ZBTB17: variants seen among roughly 807,000 people sequenced by gnomAD.
ZBTB17 encodes zinc finger and BTB domain containing 17, also known as zinc finger and BTB domain-containing protein 17.
In ZBTB17, 24 loss-of-function variants were observed where a neutral mutation model predicts 85.1. The observed-to-expected ratio is 0.28, with a 90% CI of 0.20 to 0.40. The LOEUF is 0.40. ZBTB17 is among the 10% of genes least tolerant of loss of function. The pLI is 1.00. For synonymous variants in ZBTB17, 464 were observed against 460.2 expected (o/e 1.01, Z -0.11); for missense variants, 743 against 1,105.1 (o/e 0.67, Z 4.65).
intron 2 of ZBTB17, among the ~76,000 whole-genome samples, chr1:15,971,492 T>A (rs12748204): frequency 4.7e-4 from 8 of 17,010 alleles, no homozygotes; most frequent in Non-Finnish European, 8.1e-4. Flanking sequence ...ATACACACAC[T>A]ATATATATAT....
At chr1:15,945,903 C>G (rs908164657) in intron 5 of ZBTB17, 63 bp from the exon 6 acceptor site, 9 of 1,566,010 alleles carry the variant, frequency 5.7e-6, no homozygotes, top group Admixed American at 5.1e-5. Flanking sequence ...GATACCTCTC[C>G]TGGACCAGCG....
chr1:15,964,118 T>TGG lies in ZBTB17; in HGVS notation c.-3+8920_-3+8921insCC, dbSNP rs1384583676. 8.1e-6 allele frequency among the ~76,000 whole-genome samples: 1 copy of TGG among 124,012 alleles called. No homozygotes were observed. The highest frequency in any genetic ancestry group is 1.8e-5 in the Non-Finnish European group (1 of 55,882). 81.4% of individuals were successfully genotyped at this position (124,012 alleles called of 152,430 possible). A position where few individuals can be genotyped will look rare whatever the true frequency, so the allele number is the denominator to read the frequency against. ...CTGGACAACAGCGAGACCCTGTCTCTAGAGAGAAAAAAAAAAAAAGGTTTA... is the reference window on the plus strand; with the variant it reads ...CTGGACAACAGCGAGACCCTGTCTCTGGAGAGAGAAAAAAAAAAAAAGGTTTA... On this transcript the variant is annotated intron_variant, in intron 2 of 15. Coordinates refer to ENST00000375743, the MANE Select transcript of ZBTB17 (RefSeq NM_003443.3). This position sits in a 1 kb window ranked among gnomAD's most constrained non-coding sequence, Gnocchi z 4.3.
intron 9 of ZBTB17, 72 bp downstream of exon 9, chr1:15,944,228 C>A: frequency 6.5e-7 from 1 of 1,537,204 alleles, no homozygotes; most frequent in Non-Finnish European, 8.8e-7. Flanking sequence ...CCGCCCGCCC[C>A]ACCACGTGGC....
At chr1:15,949,436 T>C (rs1438989043) in intron 2 of ZBTB17, among the ~76,000 whole-genome samples, 2 of 152,180 alleles carry the variant, frequency 1.3e-5, no homozygotes, top group African/African-American at 4.8e-5. Flanking sequence ...CATTTCAGAA[T>C]GTTTGAAGAG....
At position 15,945,182 on chromosome 1, in the gene ZBTB17, G is replaced by T. The variant is rs761831344; in HGVS notation, c.682C>A (p.Arg228=). ...SEQEMEVEPA[R]KGEEEQKEQE... ...TCCTTTTGCTCCTCTTCCCCTTTCC[G>T]GGCGGGCTCCACCTCCATTTCTGCG... The change falls in exon 7 of 16, where the codon CGG becomes AGG. Residue 228 remains arginine (R), a synonymous_variant. Coordinates refer to ENST00000375743, the MANE Select transcript of ZBTB17 (RefSeq NM_003443.3). 1 of 1,556,716 alleles carries T rather than the reference G, an allele frequency of 6.4e-7. No individual in the cohort carries two copies. Among genetic ancestry groups the T allele is most frequent in the South Asian group, 1.2e-5 (1 of 84,440 alleles).
chr1:15,956,736 C>A (rs949252395), intron 2 of ZBTB17, among the ~76,000 whole-genome samples: 3 of 152,124 alleles, frequency 2.0e-5, no homozygotes, highest in African/African-American at 7.2e-5. Flanking sequence ...GAGAGTCTAC[C>A]TTGTGTTTGT....
At position 15,973,459 on chromosome 1, in the gene ZBTB17, T is replaced by C. The variant is rs2072750641; in HGVS notation, c.-89-334A>G. Among the ~76,000 whole-genome samples the C allele has an allele frequency of 1.3e-5, 2 of 152,186 alleles. No homozygotes were observed. Among genetic ancestry groups the C allele is most frequent in the African/African-American group, 4.8e-5 (2 of 41,448 alleles). On this transcript the variant is annotated intron_variant, in intron 1 of 15. Coordinates refer to ENST00000375743, the MANE Select transcript of ZBTB17 (RefSeq NM_003443.3). The surrounding 1 kb of genome is among the most constrained non-coding windows in gnomAD (Gnocchi z 4.1). The stretch of plus-strand genomic sequence containing the variant: ...ACTGCTCTGGGATATCCTGGACACT[T>C]TGTTTCTCATTGCATACCCTACCCT...
At chr1:15,965,133 T>C (rs900429594) in intron 2 of ZBTB17, among the ~76,000 whole-genome samples, 1 of 148,274 alleles carries the variant, frequency 6.7e-6, no homozygotes, top group Non-Finnish European at 1.5e-5. Flanking sequence ...AAAAAAAGAA[T>C]TTCTGCTCAT....
chr1:15,945,267 C>T (rs2071550130), intron 6 of ZBTB17, 65 bp from the exon 7 acceptor site: 7 of 1,525,412 alleles, frequency 4.6e-6, no homozygotes, highest in Non-Finnish European at 5.3e-6. Context: ...TGAGGGGCGC[C>T]GGCAACATGT....
At chr1:15,949,899 G>A (rs895909818) in intron 2 of ZBTB17, among the ~76,000 whole-genome samples, 4 of 152,182 alleles carry the variant, frequency 2.6e-5, no homozygotes, top group Non-Finnish European at 4.4e-5. Flanking sequence ...AACAAATAAC[G>A]GGGAGCATGG....
intron 5 of ZBTB17, 93 bp downstream of exon 5, chr1:15,946,061 G>T: frequency 6.3e-7 from 1 of 1,585,606 alleles, no homozygotes; most frequent in Non-Finnish European, 8.6e-7. Flanking sequence ...GCAGGTGCCC[G>T]TGCTACCTGC....
Position 15,951,051 on chromosome 1 carries a change from G to T in ZBTB17, c.-2-2554C>A, listed in dbSNP as rs959893890. ...CCCAGCCCCCCACATACCACCACCCGCCAAGAGAGCAGCTGTGTGCCCATG... is the reference window on the plus strand; with the variant it reads ...CCCAGCCCCCCACATACCACCACCCTCCAAGAGAGCAGCTGTGTGCCCATG... On this transcript the variant is annotated intron_variant, in intron 2 of 15. Transcript: ENST00000375743. This position sits in a 1 kb window ranked among gnomAD's most constrained non-coding sequence, Gnocchi z 4.1. 1.3e-5 allele frequency among the ~76,000 whole-genome samples: 2 copies of T among 152,134 alleles called. No individual in the cohort carries two copies. The highest frequency in any genetic ancestry group is 4.8e-5 in the African/African-American group (2 of 41,432).
Position 15,964,932 on chromosome 1 carries a change from G to T in ZBTB17, c.-3+8107C>A, listed in dbSNP as rs936247748. Among the ~76,000 whole-genome samples, 22 of 152,098 alleles carry T rather than the reference G, an allele frequency of 1.4e-4. No homozygotes were observed. The highest frequency in any genetic ancestry group is 1.4e-3 in the Admixed American group (21 of 15,284). On this transcript the variant is annotated intron_variant, in intron 2 of 15. Coordinates refer to ENST00000375743, the MANE Select transcript of ZBTB17 (RefSeq NM_003443.3). The surrounding 1 kb of genome is among the most constrained non-coding windows in gnomAD (Gnocchi z 4.3). ...AGTTCAAGACCAGCCTGGCCAAGAT[G>T]CTGAAACCCCGTCTACTAAAAATAA...
intron 2 of ZBTB17, 66 bp downstream of exon 2, chr1:15,972,973 T>G (rs1391249692): frequency 2.6e-5 from 4 of 152,226 alleles, no homozygotes; most frequent in Admixed American, 2.0e-4. Context: ...ATTTGAATCA[T>G]GTTGAACCTA....
At chr1:15,944,898 G>A (rs1386104702) in intron 7 of ZBTB17, 39 bp downstream of exon 7, 4 of 1,562,456 alleles carry the variant, frequency 2.6e-6, no homozygotes, top group Middle Eastern at 1.7e-4. Context: ...CCGGAGGGGA[G>A]GGACGCTGGC....
intron 2 of ZBTB17, among the ~76,000 whole-genome samples, chr1:15,961,712 C>T (rs990444477): frequency 6.6e-6 from 1 of 152,190 alleles, no homozygotes. Context: ...TGCTCCCACC[C>T]GCCAGCCGCT....
chr1:15,971,495 A>ATATACACACAC (rs1432897088), intron 2 of ZBTB17, among the ~76,000 whole-genome samples: 7,863 of 41,178 alleles, frequency 0.19, 650 homozygotes, highest in Middle Eastern at 0.24. Flanking sequence ...CACACACTAT[A>ATATACACACAC]TATATATACA....
At chr1:15,975,269 G>A (rs1404545788) in intron 1 of ZBTB17, among the ~76,000 whole-genome samples, 1 of 152,174 alleles carries the variant, frequency 6.6e-6, no homozygotes, top group African/African-American at 2.4e-5. Context: ...TTAGGAGGCT[G>A]ATTTTATTAT....
At position 15,951,886 on chromosome 1, in the gene ZBTB17, C is replaced by G. The variant is rs1324673618; in HGVS notation, c.-2-3389G>C. ...CTGGGGAGACGTTAACCACAGTAAT[C>G]AGATCAACAGCCAGCTGCTCCCCAT... On this transcript the variant is annotated intron_variant, in intron 2 of 15. Transcript: ENST00000375743. The surrounding 1 kb of genome is among the most constrained non-coding windows in gnomAD (Gnocchi z 4.1). Among the ~76,000 whole-genome samples the G allele has an allele frequency of 6.6e-6, 1 of 152,064 alleles. No homozygotes were observed. Among genetic ancestry groups the G allele is most frequent in the East Asian group, 1.9e-4 (1 of 5,184 alleles).
Sources: allele counts gnomAD v4.1 joint callset (sites outside exome capture counted in the v4.1 genomes callset), GRCh38; gene constraint gnomAD v4.1.1; non-coding constraint Gnocchi (gnomAD v3.1); transcripts MANE v1.5; gene names NCBI Gene and HGNC (gene_info 2026-07-23, HGNC 2026-07-21).